Variants in ULK4 observed in about 807,000 individuals in gnomAD.
ULK4 encodes the protein unc-51 like kinase 4.
ULK4 carries 133 observed loss-of-function variants against 160.6 expected under a neutral mutation model. The observed-to-expected ratio is 0.83, with a 90% CI of 0.72 to 0.96. The LOEUF is 0.96. ULK4 is among the 40% of genes least tolerant of loss of function. The pLI, the probability that ULK4 is intolerant of heterozygous loss-of-function variation, is 0.00. For missense variants in ULK4, 1,580 were observed against 1,499.5 expected, an observed-to-expected ratio of 1.05 and a Z score of -0.89; for synonymous variants, 534 against 539.8, an observed-to-expected ratio of 0.99 and a Z score of 0.15.
chr3:41,914,347 G>T (rs1284191727), intron 8 of ULK4, among the ~76,000 whole-genome samples: 1 of 152,060 alleles, frequency 6.6e-6, no homozygotes, highest in Non-Finnish European at 1.5e-5. Flanking sequence ...CACTAAAGGA[G>T]AAATAAAAAT....
In ULK4 at chr3:41,938,184, C is replaced by T. The variant is rs924000377; in HGVS notation, c.152G>A (p.Arg51His). 2.4e-5 allele frequency: 38 copies of T among 1,611,800 alleles called. No individual in the cohort carries two copies. Among genetic ancestry groups the T allele is most frequent in the Middle Eastern group, 1.6e-4 (1 of 6,074 alleles). Reference sequence around the variant, plus strand: ...TACAATATTCTTGTGTTTTATTTCACGGGTGAGACGGACCTATAAAAACAC... The same window carrying T: ...TACAATATTCTTGTGTTTTATTTCATGGGTGAGACGGACCTATAAAAACAC... ...PEITNWVRLT[R>H]EIKHKNIVTF... Residue 51 changes from arginine to histidine, a missense_variant, in exon 3 of 37, where the codon CGT (arginine) becomes CAT (histidine). Arg to His is a conservative substitution (Grantham distance 29). Transcript: ENST00000301831.
At chr3:41,723,110 AAGTGGT>A (rs1297223040) in intron 22 of ULK4, among the ~76,000 whole-genome samples, 1 of 152,184 alleles carries the variant, frequency 6.6e-6, no homozygotes, top group Non-Finnish European at 1.5e-5. Flanking sequence ...ATGGGGTTTA[AAGTGGT>A]ACCTTTAGTC....
At chr3:41,547,128 A>T (rs949821312) in intron 32 of ULK4, among the ~76,000 whole-genome samples, 1 of 152,192 alleles carries the variant, frequency 6.6e-6, no homozygotes, top group African/African-American at 2.4e-5. Flanking sequence ...AGCACATTAT[A>T]AATCATGAAA....
At chr3:41,818,083 G>A (rs2041026482) in intron 19 of ULK4, among the ~76,000 whole-genome samples, 2 of 141,524 alleles carry the variant, frequency 1.4e-5, no homozygotes, top group Admixed American at 1.5e-4. Context: ...AATTAGTAAA[G>A]CCATTATAGA....
intron 31 of ULK4, among the ~76,000 whole-genome samples, chr3:41,596,158 T>C (rs1182322529): frequency 1.3e-5 from 2 of 151,914 alleles, no homozygotes; most frequent in African/African-American, 4.8e-5. Context: ...TGTTGACAGG[T>C]TTGGTGTTGG....
intron 18 of ULK4, 90 bp from the exon 19 acceptor site, chr3:41,819,596 C>A (rs2041079650): frequency 8.2e-6 from 9 of 1,095,658 alleles, no homozygotes; most frequent in South Asian, 4.3e-5. Context: ...TCCAAGTATA[C>A]AAACTATCTA....
At chr3:41,793,791 T>C (rs2040217588) in intron 20 of ULK4, among the ~76,000 whole-genome samples, 1 of 152,216 alleles carries the variant, frequency 6.6e-6, no homozygotes, top group Non-Finnish European at 1.5e-5. Context: ...CCAATAAGTC[T>C]AAGAATCACT....
rs545181085 is a variant in ULK4 at position 41,681,874 on chromosome 3, T to G, written c.2782-70A>C. 2.5e-4 allele frequency: 395 copies of G among 1,551,072 alleles called. 1 individual carries two copies. In the Middle Eastern group the frequency reaches 4.2e-3, roughly 16 times the overall value. Reference sequence around the variant, plus strand: ...AACTGATATCAACCACTATCTATATTTTTTCCACAGACAGAATCCCTAATC... The same window carrying G: ...AACTGATATCAACCACTATCTATATGTTTTCCACAGACAGAATCCCTAATC... On this transcript the variant is annotated intron_variant, in intron 27 of 36. Coordinates refer to ENST00000301831, the MANE Select transcript of ULK4 (RefSeq NM_017886.4).
chr3:41,553,610 T>C (rs2087162605), intron 32 of ULK4, among the ~76,000 whole-genome samples: 1 of 152,098 alleles, frequency 6.6e-6, no homozygotes. Context: ...CTGGAGAGGA[T>C]GCAAAGAGGG....
intron 21 of ULK4, among the ~76,000 whole-genome samples, chr3:41,772,397 G>A (rs553267232): frequency 0.14 from 21,076 of 151,550 alleles, 1,621 homozygotes; most frequent in Middle Eastern, 0.27. Flanking sequence ...TATCACCACC[G>A]ATCCCACAGA....
intron 30 of ULK4, among the ~76,000 whole-genome samples, chr3:41,635,423 T>G (rs2033913412): frequency 6.6e-6 from 1 of 151,986 alleles, no homozygotes; most frequent in African/African-American, 2.4e-5. Flanking sequence ...ATTTTACAAC[T>G]GTACATATTT....
At chr3:41,574,475 C>G (rs1575435867) in intron 31 of ULK4, among the ~76,000 whole-genome samples, 2 of 151,546 alleles carry the variant, frequency 1.3e-5, no homozygotes, top group African/African-American at 2.4e-5. Flanking sequence ...GGACCACAGT[C>G]TCCTAATGGG....
chr3:41,469,602 C>CAAAAAAAAAAAAAAAAAAAAAAA (rs71616008), intron 32 of ULK4, among the ~76,000 whole-genome samples: 8 of 11,314 alleles, frequency 7.1e-4, no homozygotes, highest in Non-Finnish European at 1.0e-3. Flanking sequence ...CTACACCTGC[C>CAAAAAAAAAAAAAAAAAAAAAAA]AAAAAAAAAA....
intron 32 of ULK4, among the ~76,000 whole-genome samples, chr3:41,486,063 C>A: frequency 6.6e-6 from 1 of 152,164 alleles, no homozygotes; most frequent in East Asian, 1.9e-4. Context: ...TGGGTTTCCT[C>A]CCTGAACATT....
chr3:41,456,700 C>T (rs1415455324), intron 33 of ULK4, among the ~76,000 whole-genome samples: 1 of 152,118 alleles, frequency 6.6e-6, no homozygotes, highest in Admixed American at 6.5e-5. Flanking sequence ...GACGCCCTTC[C>T]TCTCTGTTTT....
At chr3:41,874,193 C>T (rs1478153693) in intron 17 of ULK4, among the ~76,000 whole-genome samples, 3 of 152,066 alleles carry the variant, frequency 2.0e-5, no homozygotes, top group Non-Finnish European at 2.9e-5. Flanking sequence ...AAAAGCAATA[C>T]TACTCAAGCT....
chr3:41,685,151 A>C (rs1275595944), intron 27 of ULK4, among the ~76,000 whole-genome samples: 2 of 152,180 alleles, frequency 1.3e-5, no homozygotes, highest in Admixed American at 1.3e-4. Context: ...TCCTGTCTTG[A>C]ATTTTCCTTT....
Position 41,929,623 on chromosome 3 carries a change from A to T in ULK4, c.541+2221T>A, listed in dbSNP as rs1322430119. On this transcript the variant is annotated intron_variant, in intron 5 of 36. Transcript: ENST00000301831. ...CAGCCCAACATCTCCTAAAGCTGAT[A>T]AGCAACTTCAGCAAAGTCTCAGGAT... Among the ~76,000 whole-genome samples the T allele has an allele frequency of 3.9e-5, 6 of 152,222 alleles. No individual in the cohort carries two copies. In the East Asian group the frequency reaches 7.7e-4, roughly 20 times the overall value.
At chr3:41,329,111 T>C (rs1224490105) in intron 35 of ULK4, among the ~76,000 whole-genome samples, 1 of 152,234 alleles carries the variant, frequency 6.6e-6, no homozygotes, top group Non-Finnish European at 1.5e-5. Flanking sequence ...ATGTTGAGAA[T>C]GTCCTATAAA....
Sources: gnomAD v4.1 joint callset for allele counts (sites outside exome capture counted in the v4.1 genomes callset) on GRCh38, gnomAD v4.1.1 for gene constraint, MANE v1.5 for transcripts, NCBI Gene and HGNC (gene_info 2026-07-23, HGNC 2026-07-21) for gene names.